Variants in SAMD5 observed in about 807,000 individuals in gnomAD.
SAMD5 encodes sterile alpha motif domain containing 5.
SAMD5 carries 13 observed loss-of-function variants against 11.3 expected under a neutral mutation model. The observed-to-expected ratio is 1.15, with a 90% CI of 0.75 to 1.83. SAMD5 has a LOEUF of 1.83. SAMD5 is among the 40% of genes most tolerant of loss of function. The pLI is 0.00. For missense variants in SAMD5, 255 were observed against 239.1 expected (o/e 1.07, Z -0.44); for synonymous variants, 129 against 111.3 (o/e 1.16, Z -1.00).
intron 1 of SAMD5, among the ~76,000 whole-genome samples, chr6:147,624,177 A>T (rs539480907): frequency 6.6e-6 from 1 of 152,314 alleles, no homozygotes; most frequent in Non-Finnish European, 1.5e-5. Flanking sequence ...CAAAATTTTT[A>T]AATTCTGAAA....
rs139579456 is a variant in SAMD5, at chr6:147,726,801, G to A, written c.163-10516G>A. Among the ~76,000 whole-genome samples the A allele has an allele frequency of 4.6e-5, 7 of 152,304 alleles. No homozygotes were observed. In the East Asian group the frequency reaches 7.7e-4, roughly 17 times the overall value. On this transcript the variant is annotated intron_variant, in intron 1 of 1. Coordinates refer to the SAMD5 transcript ENST00000566741. The stretch of plus-strand genomic sequence containing the variant: ...TAAGGATTCCAAGAAAGAGGTGGGC[G>A]GAGGGCTTACGGCAGCACCTGGCTT...
chr6:147,706,108 T>C (rs9322107), intron 1 of SAMD5, among the ~76,000 whole-genome samples: 12,540 of 152,218 alleles, frequency 0.082, 565 homozygotes, highest in Middle Eastern at 0.13. Flanking sequence ...TTGCGTGTTG[T>C]GTGTTGTGTG....
chr6:147,796,498 T>C, the SAMD5 span, among the ~76,000 whole-genome samples: 4,597 of 152,206 alleles, frequency 0.03, 99 homozygotes, highest in Middle Eastern at 0.051. Context: ...AGTCAGGTAG[T>C]GTGATGCCTC....
chr6:147,846,042 A>G, the SAMD5 span, among the ~76,000 whole-genome samples: 2 of 152,168 alleles, frequency 1.3e-5, no homozygotes, highest in East Asian at 3.8e-4. Context: ...CTATTCAGCA[A>G]TTAACAGGAA....
At chr6:147,731,742 C>A (rs1215418374) in intron 1 of SAMD5, among the ~76,000 whole-genome samples, 1 of 118,802 alleles carries the variant, frequency 8.4e-6, no homozygotes, top group African/African-American at 3.2e-5. Context: ...TCCTTCCATT[C>A]TTTTAGTCAT....
At chr6:147,570,974 T>A (rs919732019), downstream of SAMD5, among the ~76,000 whole-genome samples, 2 of 152,178 alleles carry the variant, frequency 1.3e-5, no homozygotes, top group Non-Finnish European at 2.9e-5. Flanking sequence ...CCTAAAGGGT[T>A]CTGTGGCTCC....
At chr6:147,525,271 TC>T (rs1788319122) in intron 1 of SAMD5, among the ~76,000 whole-genome samples, 1 of 146,716 alleles carries the variant, frequency 6.8e-6, no homozygotes, top group Non-Finnish European at 1.5e-5. Context: ...TGGGGACCTG[TC>T]TATGTGGTTC....
the SAMD5 span, among the ~76,000 whole-genome samples, chr6:147,894,217 A>G: frequency 0.53 from 80,060 of 150,236 alleles, 22,886 homozygotes; most frequent in African/African-American, 0.76. Flanking sequence ...TCCATCCCCC[A>G]GGTTCAAGTG....
the SAMD5 span, among the ~76,000 whole-genome samples, chr6:147,793,716 A>G: frequency 6.5e-3 from 993 of 152,294 alleles, 6 homozygotes; most frequent in African/African-American, 0.023. Context: ...ATACATTTTT[A>G]TAAAAAGAAA....
chr6:147,657,967 T>G (rs1790594574), intron 1 of SAMD5, among the ~76,000 whole-genome samples: 1 of 152,250 alleles, frequency 6.6e-6, no homozygotes, highest in African/African-American at 2.4e-5. Flanking sequence ...TTGTATGGAT[T>G]ATTTGTATTG....
chr6:147,901,870 C>T, the SAMD5 span, among the ~76,000 whole-genome samples: 1 of 152,112 alleles, frequency 6.6e-6, no homozygotes, highest in Non-Finnish European at 1.5e-5. Flanking sequence ...TACCAATATC[C>T]CTGTTCCACT....
chr6:147,915,466 C>T, the SAMD5 span, among the ~76,000 whole-genome samples: 1 of 152,198 alleles, frequency 6.6e-6, no homozygotes, highest in Non-Finnish European at 1.5e-5. Context: ...CCACTATCTA[C>T]TAGTTGTGTA....
chr6:147,941,207 C>G, the SAMD5 span, among the ~76,000 whole-genome samples: 1 of 152,192 alleles, frequency 6.6e-6, no homozygotes, highest in Non-Finnish European at 1.5e-5. Context: ...AGTGTGTTCT[C>G]TATGATGCAG....
chr6:147,720,679 T>C (rs1791537935), intron 1 of SAMD5, among the ~76,000 whole-genome samples: 1 of 152,058 alleles, frequency 6.6e-6, no homozygotes, highest in African/African-American at 2.4e-5. Context: ...ACTTTAAATT[T>C]CTTTTTTTTA....
intron 1 of SAMD5, among the ~76,000 whole-genome samples, chr6:147,623,816 T>C (rs1790008050): frequency 6.6e-6 from 1 of 152,230 alleles, no homozygotes; most frequent in Non-Finnish European, 1.5e-5. Context: ...TCAATTAGAC[T>C]GAAATTTAAG....
chr6:147,701,933 A>G (rs144641663), intron 1 of SAMD5, among the ~76,000 whole-genome samples: 1 of 152,322 alleles, frequency 6.6e-6, no homozygotes, highest in African/African-American at 2.4e-5. Flanking sequence ...TTTTTAAATT[A>G]TGACTAGACT....
chr6:147,515,430 A>G (rs1788153696), intron 1 of SAMD5, among the ~76,000 whole-genome samples: 1 of 133,068 alleles, frequency 7.5e-6, no homozygotes, highest in Admixed American at 7.3e-5. Context: ...TCTTCCATCC[A>G]ACCATCCATC....
the SAMD5 span, among the ~76,000 whole-genome samples, chr6:147,896,374 T>G: frequency 6.9e-6 from 1 of 144,990 alleles, no homozygotes; most frequent in Non-Finnish European, 1.5e-5. Flanking sequence ...GGGCTGGGGC[T>G]GGGGTTGGGG....
the SAMD5 span, among the ~76,000 whole-genome samples, chr6:147,882,059 C>T: frequency 6.6e-6 from 1 of 152,132 alleles, no homozygotes; most frequent in Non-Finnish European, 1.5e-5. Flanking sequence ...ATAATGAGAG[C>T]TCTTTAACTT....
Sources: gnomAD v4.1 joint callset for allele counts (sites outside exome capture counted in the v4.1 genomes callset) on GRCh38, gnomAD v4.1.1 for gene constraint, MANE v1.5 for transcripts, NCBI Gene and HGNC (gene_info 2026-07-23, HGNC 2026-07-21) for gene names.